Variants in UGT1A4 observed in about 807,000 individuals in gnomAD.
UGT1A4 encodes the protein UDP glucuronosyltransferase family 1 member A4.
A neutral mutation model predicts 41.1 loss-of-function variants in UGT1A4; 32 were observed. That is an observed-to-expected ratio of 0.78 (90% CI 0.59 to 1.05). UGT1A4 has a LOEUF of 1.05. Ranked by LOEUF, UGT1A4 falls within the 50% of genes least tolerant of loss-of-function variation. The pLI, the probability that UGT1A4 is intolerant of heterozygous loss-of-function variation, is 0.00. For synonymous variants in UGT1A4, 283 were observed against 265.1 expected (o/e 1.07, Z -0.66); for missense variants, 748 against 677.4 (o/e 1.10, Z -1.16).
At chr2:233,740,584 T>G (rs1401941870) in intron 1 of UGT1A4, 1 of 151,838 alleles carries the variant, frequency 6.6e-6, no homozygotes, top group Non-Finnish European at 1.5e-5. Flanking sequence ...GGGACCCTAA[T>G]GAAATGGTTA....
Position 233,769,626 on chromosome 2 carries a change from C to A in UGT1A4, c.1307+1187C>A. 2 of 1,612,112 alleles carry A rather than the reference C, an allele frequency of 1.2e-6. No individual in the cohort carries two copies. The highest frequency in any genetic ancestry group is 1.7e-6 in the Non-Finnish European group (2 of 1,179,588). The stretch of plus-strand genomic sequence containing the variant: ...GGGACACACCAGCTTGAGCAAGGGA[C>A]AACAGGGGAGGACTGATGACTGACT... On this transcript the variant is annotated intron_variant, in intron 4 of 4. Transcript: ENST00000373409. The surrounding 1 kb of genome is among the most constrained non-coding windows in gnomAD (Gnocchi z 4.4).
chr2:233,767,784 A>C, intron 2 of UGT1A4, 65 bp from the exon 3 acceptor site: 1 of 1,613,694 alleles, frequency 6.2e-7, no homozygotes, highest in East Asian at 2.2e-5. Flanking sequence ...TAGTTAGTAT[A>C]GCAGATTTGT....
intron 4 of UGT1A4, among the ~76,000 whole-genome samples, 154 bp from the exon 5 acceptor site, chr2:233,772,106 CTG>C (rs1172403577): frequency 6.6e-6 from 1 of 152,016 alleles, no homozygotes; most frequent in African/African-American, 2.4e-5. Context: ...GGGCAAGACT[CTG>C]TATCTAAAAA....
At chr2:233,767,620 G>T (rs555830057) in intron 2 of UGT1A4, among the ~76,000 whole-genome samples, 1 of 152,270 alleles carries the variant, frequency 6.6e-6, no homozygotes, top group South Asian at 2.1e-4. Flanking sequence ...TAAGTGCACA[G>T]CTTGATAAAT....
rs145652010 is a variant in UGT1A4 at position 233,744,794 on chromosome 2, G to C, written c.868-22240G>C. On this transcript the variant is annotated intron_variant, in intron 1 of 4. Coordinates refer to ENST00000373409, the MANE Select transcript of UGT1A4 (RefSeq NM_007120.3). ...CAAAATTCTCCTGAAAAATTCTTGG[G>C]GATCCCTAGGATTTCCTGGCTCATA... 2.6e-3 allele frequency among the ~76,000 whole-genome samples: 393 copies of C among 151,892 alleles called. 13 individuals are homozygous for C. The highest frequency in any genetic ancestry group is 8.3e-3 in the African/African-American group (341 of 41,188).
chr2:233,731,684 T>C (rs2078191188), intron 1 of UGT1A4, among the ~76,000 whole-genome samples: 1 of 152,270 alleles, frequency 6.6e-6, no homozygotes, highest in Non-Finnish European at 1.5e-5. Flanking sequence ...CAGTCTATCA[T>C]TGATGGACAT....
intron 1 of UGT1A4, among the ~76,000 whole-genome samples, chr2:233,748,713 G>T: frequency 6.6e-6 from 1 of 151,600 alleles, no homozygotes; most frequent in East Asian, 1.9e-4. Flanking sequence ...TTTGGGGTCT[G>T]GTGCATGATG....
rs907498423 is a variant in UGT1A4, at chr2:233,772,974, A to C, written c.*415A>C. The stretch of plus-strand genomic sequence containing the variant: ...GATGGTTGCAATTGATCCTTAACCA[A>C]TAATGGTCAGTCCTCATCTCTGTCG... On this transcript the variant is annotated 3_prime_UTR_variant, in exon 5 of 5. Transcript: ENST00000373409. 3.0e-5 allele frequency: 9 copies of C among 303,654 alleles called. No individual in the cohort carries two copies. The highest frequency in any genetic ancestry group is 5.7e-5 in the Non-Finnish European group (9 of 158,574). The allele number at this position is 303,654 out of a possible 1,614,324, so 18.8% of individuals were successfully genotyped here.
chr2:233,729,580 G>A, intron 1 of UGT1A4: 1 of 1,614,110 alleles, frequency 6.2e-7, no homozygotes. Context: ...GGTTTTAACA[G>A]ACCCCGTTAA....
At chr2:233,723,643 A>G in intron 1 of UGT1A4, among the ~76,000 whole-genome samples, 1 of 102,338 alleles carries the variant, frequency 9.8e-6, no homozygotes, top group Non-Finnish European at 1.9e-5. Context: ...AAGTGAACAA[A>G]GGTCTCTGGT....
intron 4 of UGT1A4, 68 bp from the exon 5 acceptor site, chr2:233,772,194 T>G (rs921300076): frequency 1.9e-6 from 3 of 1,602,000 alleles, no homozygotes; most frequent in African/African-American, 2.7e-5. Context: ...TAAGCAGCCA[T>G]GAGCATAAAG....
chr2:233,747,484 G>C (rs796155377), intron 1 of UGT1A4: 4 of 1,608,658 alleles, frequency 2.5e-6, no homozygotes, highest in Middle Eastern at 1.7e-4. Flanking sequence ...GAATTTGATC[G>C]CCTTGTGCTG....
chr2:233,742,496 A>G (rs376180640), intron 1 of UGT1A4, among the ~76,000 whole-genome samples: 4 of 151,946 alleles, frequency 2.6e-5, no homozygotes, highest in Admixed American at 1.3e-4. Context: ...CATAGGCATC[A>G]TGGCTATCAT....
intron 1 of UGT1A4, among the ~76,000 whole-genome samples, chr2:233,748,293 A>G (rs1052851237): frequency 6.6e-6 from 1 of 151,694 alleles, no homozygotes; most frequent in Non-Finnish European, 1.5e-5. Context: ...GCAGACATGA[A>G]TGTTTATCAA....
At chr2:233,729,624 G>A (rs563451648) in intron 1 of UGT1A4, 25 of 1,613,906 alleles carry the variant, frequency 1.5e-5, no homozygotes, top group African/African-American at 6.7e-5. Context: ...AGTACCTGTC[G>A]ATTCCTACTG....
At chr2:233,730,730 G>A (rs186110324) in intron 1 of UGT1A4, among the ~76,000 whole-genome samples, 24 of 152,186 alleles carry the variant, frequency 1.6e-4, no homozygotes, top group African/African-American at 4.1e-4. Context: ...AAGAAATGGC[G>A]GAAGGGGCTA....
chr2:233,772,614 C>T lies in UGT1A4; in HGVS notation c.*55C>T, dbSNP rs1700539224. ...GAACCATTCCCTAGTCATTTCCAAA[C>T]TTGAAAACAGAATCAGTGTTAAATT... On this transcript the variant is annotated 3_prime_UTR_variant, in exon 5 of 5. Transcript: ENST00000373409. The T allele has an allele frequency of 1.3e-6, 2 of 1,575,828 alleles. No homozygotes were observed. The highest frequency in any genetic ancestry group is 1.7e-6 in the Non-Finnish European group (2 of 1,159,834).
chr2:233,756,971 C>T (rs1226266668), intron 1 of UGT1A4, among the ~76,000 whole-genome samples: 8 of 151,892 alleles, frequency 5.3e-5, no homozygotes, highest in African/African-American at 1.9e-4. Flanking sequence ...GGTAAGCACG[C>T]AATGAACAGT....
rs1331273154 is a variant in UGT1A4 at position 233,755,158 on chromosome 2, C to T, written c.868-11876C>T. On this transcript the variant is annotated intron_variant, in intron 1 of 4. Coordinates refer to ENST00000373409, the MANE Select transcript of UGT1A4 (RefSeq NM_007120.3). ...AATCTTCTCACCGCTTCCTCCCTGT[C>T]CTCGGGGTTTTTGTCGGGGTGCCAC... 1.2e-4 allele frequency: 159 copies of T among 1,292,482 alleles called. 2 individuals are homozygous for T. Among genetic ancestry groups the T allele is most frequent in the Non-Finnish European group, 4.6e-5 (44 of 955,692 alleles). The allele number at this position is 1,292,482 out of a possible 1,614,324, so 80.1% of individuals were successfully genotyped here.
Sources: allele counts gnomAD v4.1 joint callset (sites outside exome capture counted in the v4.1 genomes callset), GRCh38; gene constraint gnomAD v4.1.1; non-coding constraint Gnocchi (gnomAD v3.1); transcripts MANE v1.5; gene names NCBI Gene and HGNC (gene_info 2026-07-23, HGNC 2026-07-21).